Variants in C12orf42 observed in about 807,000 individuals in gnomAD.
C12orf42 encodes the protein chromosome 12 open reading frame 42.
In C12orf42, 25 loss-of-function variants were observed where a neutral mutation model predicts 21.6. The ratio of observed to expected loss-of-function variants is 1.16; its 90% confidence interval spans 0.84 to 1.62. The LOEUF is 1.62. Among genes scored for constraint, C12orf42 ranks in the 40% most tolerant of loss-of-function variants. The pLI, the probability that C12orf42 is intolerant of heterozygous loss-of-function variation, is 0.00. For missense variants in C12orf42, 483 were observed against 459.3 expected (o/e 1.05, Z -0.47); for synonymous variants, 174 against 175.0 (o/e 0.99, Z 0.05).
In C12orf42 at chr12:103,368,847, T is replaced by C. The variant is rs755590573; in HGVS notation, c.259+40A>G. On this transcript the variant is annotated intron_variant, in intron 4 of 5. Coordinates refer to ENST00000548883, the MANE Select transcript of C12orf42 (RefSeq NM_198521.5). ...ACCTGTACATAGTCCAGAGTTTCTTTGGAAACTCTGGTCTGTCTTGGGATT... is the reference window on the plus strand; with the variant it reads ...ACCTGTACATAGTCCAGAGTTTCTTCGGAAACTCTGGTCTGTCTTGGGATT... The C allele has an allele frequency of 4.6e-6, 5 of 1,082,830 alleles. No homozygotes were observed. In the Admixed American group the frequency reaches 9.3e-5, roughly 20 times the overall value. 67.1% of individuals were successfully genotyped at this position (1,082,830 alleles called of 1,614,324 possible). A position where few individuals can be genotyped will look rare whatever the true frequency, so the allele number is the denominator to read the frequency against.
intron 2 of C12orf42, among the ~76,000 whole-genome samples, chr12:103,474,887 C>G (rs1178491644): frequency 3.9e-5 from 6 of 152,254 alleles, no homozygotes; most frequent in East Asian, 1.9e-4. Flanking sequence ...TTCTAAACAT[C>G]AAATATTGGG....
chr12:103,135,528 G>T, the C12orf42 span, among the ~76,000 whole-genome samples: 7 of 151,958 alleles, frequency 4.6e-5, no homozygotes, highest in Non-Finnish European at 8.8e-5. Flanking sequence ...TTACCACAGT[G>T]ATTAACAATG....
chr12:103,121,102 A>G, the C12orf42 span, among the ~76,000 whole-genome samples: 5 of 152,342 alleles, frequency 3.3e-5, no homozygotes, highest in African/African-American at 1.2e-4. Context: ...AGTTCTCAAG[A>G]TGCCTTATCT....
At chr12:103,484,806 C>T (rs939660090) in intron 1 of C12orf42, among the ~76,000 whole-genome samples, 2 of 145,254 alleles carry the variant, frequency 1.4e-5, no homozygotes, top group African/African-American at 2.6e-5. Context: ...ACATTTAAGT[C>T]TTTAATCTAT....
chr12:103,086,208 CA>C, the C12orf42 span, among the ~76,000 whole-genome samples: 1 of 151,956 alleles, frequency 6.6e-6, no homozygotes, highest in Non-Finnish European at 1.5e-5. Context: ...AATAACAAAA[CA>C]ATCAGAGAAT....
Position 103,488,732 on chromosome 12 carries a change from T to C in C12orf42, c.-22+7170A>G, listed in dbSNP as rs543483545. ...CAATCTCTGATACCGTTTCTTCCGC[T>C]TCTTGAATTGGCTATTGAAGCTTGT... On this transcript the variant is annotated intron_variant, in intron 1 of 5. Coordinates refer to ENST00000548883, the MANE Select transcript of C12orf42 (RefSeq NM_198521.5). Among the ~76,000 whole-genome samples the C allele has an allele frequency of 1.4e-4, 21 of 152,364 alleles. No homozygotes were observed. The South Asian group carries it at 4.3e-3, about 32-fold the overall frequency.
chr12:103,363,743 C>CA (rs2137761676), intron 4 of C12orf42, among the ~76,000 whole-genome samples: 1 of 152,054 alleles, frequency 6.6e-6, no homozygotes, highest in African/African-American at 2.4e-5. Flanking sequence ...TTAAAAAAGA[C>CA]AAAGACAGAC....
At chr12:103,404,270 A>C (rs905806309) in intron 2 of C12orf42, among the ~76,000 whole-genome samples, 2 of 152,240 alleles carry the variant, frequency 1.3e-5, no homozygotes. Flanking sequence ...CAAGACGAGG[A>C]GTCCAGAAAG....
chr12:103,481,049 G>A (rs1954434992), intron 1 of C12orf42, among the ~76,000 whole-genome samples: 1 of 151,424 alleles, frequency 6.6e-6, no homozygotes, highest in African/African-American at 2.4e-5. Flanking sequence ...ATAATTTTGA[G>A]AGTTTATAAT....
the C12orf42 span, among the ~76,000 whole-genome samples, chr12:103,069,531 G>A: frequency 2.0e-5 from 3 of 152,214 alleles, no homozygotes; most frequent in East Asian, 1.9e-4. Context: ...ATATTTTATG[G>A]CATTTATTAA....
At chr12:103,233,345 C>T (rs2139555), downstream of C12orf42, among the ~76,000 whole-genome samples, 102,367 of 151,972 alleles carry the variant, frequency 0.67, 35,667 homozygotes, top group African/African-American at 0.85. Context: ...AATAAGTTTG[C>T]CAATATCCAC....
At chr12:103,225,923 C>CTGAA in the C12orf42 span, among the ~76,000 whole-genome samples, 1 of 152,142 alleles carries the variant, frequency 6.6e-6, no homozygotes, top group Admixed American at 6.5e-5. Flanking sequence ...GCTTCCTAGG[C>CTGAA]GATCGGGCAG....
At chr12:103,392,685 C>T (rs888887666) in intron 3 of C12orf42, among the ~76,000 whole-genome samples, 7 of 152,216 alleles carry the variant, frequency 4.6e-5, no homozygotes, top group African/African-American at 1.4e-4. Flanking sequence ...TTTTCTGCAG[C>T]TTTGCTGAAT....
At chr12:103,418,593 G>A (rs1354338902) in intron 2 of C12orf42, among the ~76,000 whole-genome samples, 1 of 151,780 alleles carries the variant, frequency 6.6e-6, no homozygotes, top group Non-Finnish European at 1.5e-5. Flanking sequence ...ATGCTTTAAT[G>A]CTTTCTTCAG....
At chr12:103,315,048 G>A (rs1238754278) in intron 4 of C12orf42, among the ~76,000 whole-genome samples, 4 of 152,252 alleles carry the variant, frequency 2.6e-5, no homozygotes, top group East Asian at 3.9e-4. Flanking sequence ...CAAATTTGAA[G>A]CCTCTGACCC....
chr12:103,139,708 C>G, the C12orf42 span, among the ~76,000 whole-genome samples: 1 of 152,064 alleles, frequency 6.6e-6, no homozygotes, highest in Non-Finnish European at 1.5e-5. Context: ...CTGGGTGGTA[C>G]TGGAGGGCTT....
chr12:103,181,826 C>A, the C12orf42 span, among the ~76,000 whole-genome samples: 9 of 152,146 alleles, frequency 5.9e-5, no homozygotes, highest in Non-Finnish European at 1.2e-4. Context: ...CTACCCCTAC[C>A]CTGTCTCACA....
chr12:103,411,885 G>C (rs951064713), intron 2 of C12orf42, among the ~76,000 whole-genome samples: 1 of 152,094 alleles, frequency 6.6e-6, no homozygotes, highest in Admixed American at 6.5e-5. Context: ...ATACACAGAG[G>C]GAGACAGGCA....
At chr12:103,201,132 G>T in the C12orf42 span, among the ~76,000 whole-genome samples, 1 of 152,214 alleles carries the variant, frequency 6.6e-6, no homozygotes, top group Non-Finnish European at 1.5e-5. Context: ...TGTGTGACAT[G>T]CCATCAGGCA....
Sources: allele counts gnomAD v4.1 joint callset (sites outside exome capture counted in the v4.1 genomes callset), GRCh38; gene constraint gnomAD v4.1.1; transcripts MANE v1.5; gene names NCBI Gene and HGNC (gene_info 2026-07-23, HGNC 2026-07-21).